The following IL33 variants were observed in gnomAD, a reference collection of about 807,000 sequenced individuals.
IL33 encodes the protein interleukin-33.
IL33 carries 37 observed loss-of-function variants against 27.3 expected under a neutral mutation model. The observed-to-expected ratio is 1.36, with a 90% CI of 1.04 to 1.78. The LOEUF is 1.78. Among genes scored for constraint, IL33 ranks in the 40% most tolerant of loss-of-function variants. The pLI is 0.00. For synonymous variants in IL33, 132 were observed against 102.9 expected, an observed-to-expected ratio of 1.28 and a Z score of -1.71; for missense variants, 406 against 311.4, an observed-to-expected ratio of 1.30 and a Z score of -2.29.
intron 1 of IL33, among the ~76,000 whole-genome samples, chr9:6,232,079 G>T (rs1818954333): frequency 6.6e-6 from 1 of 152,160 alleles, no homozygotes; most frequent in Admixed American, 6.5e-5. Flanking sequence ...ATTTAAAAGT[G>T]GGAAATTGCT....
intron 1 of IL33, among the ~76,000 whole-genome samples, chr9:6,217,852 T>TATTTGACAAATTTGAATAC (rs1554696671): frequency 6.6e-6 from 1 of 152,002 alleles, no homozygotes; most frequent in Non-Finnish European, 1.5e-5. Context: ...AGTCAGAGAC[T>TATTTGACAAATTTGAATAC]TGAGAGTGAA....
At chr9:6,230,984 G>A (rs568431138) in intron 1 of IL33, among the ~76,000 whole-genome samples, 1 of 152,148 alleles carries the variant, frequency 6.6e-6, no homozygotes, top group Non-Finnish European at 1.5e-5. Flanking sequence ...CAGAAACACA[G>A]TGACATTAGA....
chr9:6,256,279 G>A lies in IL33; in HGVS notation c.*111G>A. On this transcript the variant is annotated 3_prime_UTR_variant, in exon 8 of 8. Coordinates refer to ENST00000682010, the MANE Select transcript of IL33 (RefSeq NM_033439.4). The stretch of plus-strand genomic sequence containing the variant: ...ATCTAAGGGAAATGAAGAGTGCTTA[G>A]CATGTGTGGAATGTTTTCCATATTA... 1.4e-6 allele frequency: 1 copy of A among 735,138 alleles called. No homozygotes were observed. Among genetic ancestry groups the A allele is most frequent in the Non-Finnish European group, 2.3e-6 (1 of 439,964 alleles). The allele number at this position is 735,138 out of a possible 1,614,324, so 45.5% of individuals were successfully genotyped here.
intron 1 of IL33, among the ~76,000 whole-genome samples, chr9:6,239,982 T>C (rs775391675): frequency 6.6e-6 from 1 of 152,206 alleles, no homozygotes; most frequent in Non-Finnish European, 1.5e-5. Context: ...TCTCATGACT[T>C]CTTTTATGTT....
chr9:6,225,774 G>A (rs536708722), intron 1 of IL33, among the ~76,000 whole-genome samples: 82 of 152,196 alleles, frequency 5.4e-4, no homozygotes, highest in African/African-American at 1.5e-3. Flanking sequence ...AGGGGCTAGA[G>A]TGCAGTGATG....
chr9:6,240,742 C>G (rs983242446), intron 1 of IL33, among the ~76,000 whole-genome samples: 1 of 152,218 alleles, frequency 6.6e-6, no homozygotes, highest in Admixed American at 6.5e-5. Flanking sequence ...TTAGACTACA[C>G]TAAATTTATT....
At chr9:6,227,537 TATATTA>T (rs1818695392) in intron 1 of IL33, among the ~76,000 whole-genome samples, 1 of 152,222 alleles carries the variant, frequency 6.6e-6, no homozygotes, top group African/African-American at 2.4e-5. Flanking sequence ...GAAGCATATT[TATATTA>T]ATAAGTTAAT....
chr9:6,248,407 G>C (rs1425016747), intron 2 of IL33, among the ~76,000 whole-genome samples: 1 of 151,734 alleles, frequency 6.6e-6, no homozygotes, highest in Non-Finnish European at 1.5e-5. Context: ...TGTTATCATG[G>C]GAGTGGTTTG....
At position 6,252,882 on chromosome 9, in the gene IL33, A is replaced by G. The variant is rs1365693847; in HGVS notation, c.360A>G (p.Thr120=). ...TAACAACAGGAATTTCACCTATTAC[A>G]GAGTATCTTGCTTCTCTAAGCACAT... ...DSSITGISPI[T]EYLASLSTYN... Residue 120 remains threonine (T), a synonymous_variant, in exon 5 of 8, where the codon ACA becomes ACG. Coordinates refer to ENST00000682010, the MANE Select transcript of IL33 (RefSeq NM_033439.4). The G allele has an allele frequency of 1.9e-6, 3 of 1,606,544 alleles. No individual in the cohort carries two copies. Among genetic ancestry groups the G allele is most frequent in the African/African-American group, 1.3e-5 (1 of 74,462 alleles).
At chr9:6,248,959 G>C (rs1023420278) in intron 2 of IL33, among the ~76,000 whole-genome samples, 1 of 152,164 alleles carries the variant, frequency 6.6e-6, no homozygotes, top group African/African-American at 2.4e-5. Context: ...ACAACAGTCA[G>C]TAAAGTATTG....
chr9:6,231,681 G>A (rs902599593), intron 1 of IL33, among the ~76,000 whole-genome samples: 1 of 152,176 alleles, frequency 6.6e-6, no homozygotes, highest in Non-Finnish European at 1.5e-5. Context: ...TGTATCCCCA[G>A]CACCTAGCCC....
intron 1 of IL33, among the ~76,000 whole-genome samples, chr9:6,218,836 G>A (rs1435676060): frequency 1.3e-5 from 1 of 74,602 alleles, no homozygotes; most frequent in Non-Finnish European, 2.5e-5. Context: ...ATATATATAT[G>A]TTCTCCATAT....
intron 1 of IL33, among the ~76,000 whole-genome samples, chr9:6,234,440 C>T (rs1343288122): frequency 6.6e-6 from 1 of 152,220 alleles, no homozygotes; most frequent in Admixed American, 6.5e-5. Flanking sequence ...TTCCCCTCAT[C>T]CCCAGTCCAG....
At chr9:6,234,054 C>G (rs1819058816) in intron 1 of IL33, among the ~76,000 whole-genome samples, 1 of 152,154 alleles carries the variant, frequency 6.6e-6, no homozygotes, top group South Asian at 2.1e-4. Flanking sequence ...ATGAACTCTT[C>G]TTTTTTCTGC....
At position 6,257,651 on chromosome 9, in the gene IL33, T is replaced by C. The variant is rs1183663637; in HGVS notation, c.*1483T>C. ...GACTAACATAGTAACAGAATCTTTATGAAATATGACCTTTTCTGAAAATAC... is the reference window on the plus strand; with the variant it reads ...GACTAACATAGTAACAGAATCTTTACGAAATATGACCTTTTCTGAAAATAC... On this transcript the variant is annotated 3_prime_UTR_variant, in exon 8 of 8. Transcript: ENST00000682010. 1 of 152,590 alleles carries C rather than the reference T, an allele frequency of 6.6e-6. No individual in the cohort carries two copies. The highest frequency in any genetic ancestry group is 1.5e-5 in the Non-Finnish European group (1 of 68,026). 9.5% of individuals were successfully genotyped at this position (152,590 alleles called of 1,614,324 possible).
chr9:6,256,463 C>A lies in IL33; in HGVS notation c.*295C>A, dbSNP rs1203977551. The A allele has an allele frequency of 9.1e-6, 4 of 440,578 alleles. No individual in the cohort carries two copies. Among genetic ancestry groups the A allele is most frequent in the African/African-American group, 2.0e-5 (1 of 49,052 alleles). 27.3% of individuals were successfully genotyped at this position (440,578 alleles called of 1,614,324 possible). ...TCTGACCTTTACTTTTCTCTAGTTT[C>A]AGTCCAGAAAGAACTTCATATTTAG... On this transcript the variant is annotated 3_prime_UTR_variant, in exon 8 of 8. Transcript: ENST00000682010.
At chr9:6,253,691 A>G in intron 6 of IL33, 89 bp downstream of exon 6, 1 of 999,084 alleles carries the variant, frequency 1.0e-6, no homozygotes, top group South Asian at 1.5e-5. Context: ...GCCCCATAGG[A>G]AAAAAGATAG....
chr9:6,257,517 A>G lies in IL33; in HGVS notation c.*1349A>G, dbSNP rs1816805661. ...TACTGTCACTAGGGCAATAAAATTT[A>G]TACTCAACCATATAATAACATTTTT... On this transcript the variant is annotated 3_prime_UTR_variant, in exon 8 of 8. Transcript: ENST00000682010. 6.6e-6 allele frequency: 1 copy of G among 152,642 alleles called. No individual in the cohort carries two copies. Among genetic ancestry groups the G allele is most frequent in the Non-Finnish European group, 1.5e-5 (1 of 68,022 alleles). 9.5% of individuals were successfully genotyped at this position (152,642 alleles called of 1,614,324 possible).
At position 6,250,611 on chromosome 9, in the gene IL33, C is replaced by A. The variant is rs371205152; in HGVS notation, c.217+12C>A. ...TTCACTGAAAACAGGTAAGGGGAAC[C>A]GTACATTCTCTGGCAATAGTGATAA... On this transcript the variant is annotated intron_variant, in intron 3 of 7. Coordinates refer to ENST00000682010, the MANE Select transcript of IL33 (RefSeq NM_033439.4). The A allele has an allele frequency of 1.2e-6, 2 of 1,608,754 alleles. No individual in the cohort carries two copies. Among genetic ancestry groups the A allele is most frequent in the Middle Eastern group, 1.7e-4 (1 of 6,014 alleles).
Sources: allele counts gnomAD v4.1 joint callset (sites outside exome capture counted in the v4.1 genomes callset), GRCh38; gene constraint gnomAD v4.1.1; transcripts MANE v1.5; gene names NCBI Gene and HGNC (gene_info 2026-07-23, HGNC 2026-07-21).